CLN8: variants seen among roughly 807,000 people sequenced by gnomAD.
The protein encoded by CLN8 is protein CLN8.
In CLN8, 14 loss-of-function variants were observed where a neutral mutation model predicts 15.7. The observed-to-expected ratio is 0.89, with a 90% CI of 0.59 to 1.39. CLN8 has a LOEUF of 1.39. Ranked by LOEUF, CLN8 falls within the 40% of genes most tolerant of loss-of-function variation. The probability of loss-of-function intolerance (pLI) is 0.00; values close to 1 mark genes in which losing one functional copy is unlikely to be tolerated. For synonymous variants in CLN8, 188 were observed against 151.0 expected, an observed-to-expected ratio of 1.25 and a Z score of -1.80; for missense variants, 415 against 364.0, an observed-to-expected ratio of 1.14 and a Z score of -1.14.
In CLN8 at chr8:1,771,072, T is replaced by C. The variant is rs1464108080; in HGVS notation, c.18T>C (p.Asp6=). 4 of 1,613,858 alleles carry C rather than the reference T, an allele frequency of 2.5e-6. No homozygotes were observed. Among genetic ancestry groups the C allele is most frequent in the East Asian group, 2.2e-5 (1 of 44,836 alleles). Residue 6 remains aspartate, a synonymous_variant, in exon 2 of 3, where the codon GAT becomes GAC. Transcript: ENST00000331222. The part of the protein sequence containing the change: MNPAS[D]GGTSESIFDL... ...TGTGGACAATGAATCCTGCGAGCGA[T>C]GGGGGCACATCAGAGAGCATTTTTG...
At chr8:1,761,704 T>C (rs1157447843), upstream of CLN8, among the ~76,000 whole-genome samples, 1 of 152,180 alleles carries the variant, frequency 6.6e-6, no homozygotes, top group Non-Finnish European at 1.5e-5. Flanking sequence ...AGATCAGAGA[T>C]GAAATCGTAT....
intron 2 of CLN8, among the ~76,000 whole-genome samples, chr8:1,778,159 A>C (rs1563112816): frequency 6.6e-6 from 1 of 152,128 alleles, no homozygotes; most frequent in African/African-American, 2.4e-5. Flanking sequence ...CAGTTGTCAG[A>C]GTGACTATAC....
chr8:1,782,667 GC>G lies in CLN8; in HGVS notation c.*2101del, dbSNP rs1314521292. On this transcript the variant is annotated 3_prime_UTR_variant, in exon 3 of 3. Coordinates refer to ENST00000331222, the MANE Select transcript of CLN8 (RefSeq NM_018941.4). ...GCTGGTGTTTTTCAGCCAGACAGAG[GC>G]ATAATAAAGTGACTGATGTTTACAG... The G allele has an allele frequency of 1.3e-5, 2 of 152,208 alleles. No individual in the cohort carries two copies. Among genetic ancestry groups the G allele is most frequent in the Non-Finnish European group, 2.9e-5 (2 of 68,044 alleles). 9.4% of individuals were successfully genotyped at this position (152,208 alleles called of 1,614,324 possible).
At chr8:1,767,866 C>T (rs1016823862) in intron 1 of CLN8, among the ~76,000 whole-genome samples, 8 of 151,996 alleles carry the variant, frequency 5.3e-5, no homozygotes, top group South Asian at 2.1e-4. Context: ...CCACTGCACT[C>T]GGCCTGCTCT....
intron 1 of CLN8, among the ~76,000 whole-genome samples, chr8:1,768,502 C>T (rs541010277): frequency 5.3e-5 from 8 of 152,268 alleles, no homozygotes; most frequent in South Asian, 4.2e-4. Flanking sequence ...CTTGGCCAAG[C>T]GGACATTGAT....
chr8:1,783,615 CGGG>C lies in CLN8; in HGVS notation c.*3051_*3053del, dbSNP rs1801760187. The C allele has an allele frequency of 6.6e-6, 1 of 150,464 alleles. No homozygotes were observed. The allele number at this position is 150,464 out of a possible 1,614,324, so 9.3% of individuals were successfully genotyped here. On this transcript the variant is annotated 3_prime_UTR_variant, in exon 3 of 3. Transcript: ENST00000331222. ...TTGGTGCAGCCTCCTCGCCGCGCTG[CGGG>C]GGCTGGGCCGCACAGGCTTCTGCCC...
rs1183707569 is a variant in CLN8 at position 1,782,996 on chromosome 8, C to A, written c.*2429C>A. The A allele has an allele frequency of 6.6e-6, 1 of 152,282 alleles. No individual in the cohort carries two copies. Among genetic ancestry groups the A allele is most frequent in the Non-Finnish European group, 1.5e-5 (1 of 68,092 alleles). 9.4% of individuals were successfully genotyped at this position (152,282 alleles called of 1,614,324 possible). On this transcript the variant is annotated 3_prime_UTR_variant, in exon 3 of 3. Transcript: ENST00000331222. ...TGTCACCCACACATTGGTCCGGGGA[C>A]CCCTCAGTGCAGAGCCTGAAGTTGG...
intron 1 of CLN8, chr8:1,758,529 G>A (rs1585118073): frequency 6.6e-6 from 1 of 152,206 alleles, no homozygotes; most frequent in Non-Finnish European, 1.5e-5. Context: ...CCACCTCCAT[G>A]ACGTCATTTC....
chr8:1,757,387 G>A (rs1369213722), intron 1 of CLN8, among the ~76,000 whole-genome samples: 1 of 152,208 alleles, frequency 6.6e-6, no homozygotes, highest in Non-Finnish European at 1.5e-5. Flanking sequence ...TGGCCCCACA[G>A]TAGCTATCTT....
rs557867430 is a variant in CLN8 at position 1,785,759 on chromosome 8, C to T, written c.*5192C>T. ...ACCGGTCAGATTACGGTGGCACAGG[C>T]GGCGTGGGGTTAGACAGGTACTGGT... On this transcript the variant is annotated 3_prime_UTR_variant, in exon 3 of 3. Transcript: ENST00000331222. 4 of 171,614 alleles carry T rather than the reference C, an allele frequency of 2.3e-5. No individual in the cohort carries two copies. The highest frequency in any genetic ancestry group is 1.0e-4 in the South Asian group (1 of 9,606). The allele number at this position is 171,614 out of a possible 1,614,324, so 10.6% of individuals were successfully genotyped here.
chr8:1,773,542 T>C (rs1186717958), intron 2 of CLN8: 1 of 152,220 alleles, frequency 6.6e-6, no homozygotes, highest in African/African-American at 2.4e-5. Flanking sequence ...GGTCTAAGTG[T>C]GGGTCATTTT....
Position 1,780,312 on chromosome 8 carries a change from C to G in CLN8, c.606C>G (p.His202Gln), listed in dbSNP as rs1490718679. 6.2e-7 allele frequency: 1 copy of G among 1,614,156 alleles called. No individual in the cohort carries two copies. Among genetic ancestry groups the G allele is most frequent in the Admixed American group, 1.7e-5 (1 of 60,014 alleles). Residue 202 changes from histidine to glutamine, a missense_variant, in exon 3 of 3, where the codon CAC becomes CAG. By Grantham distance (24) the His-to-Gln change is conservative. Transcript: ENST00000331222. ...LNQWLMIHMFHCRMVLTYHMW... is the reference protein window; with the variant it reads ...LNQWLMIHMFQCRMVLTYHMW... ...AGTGGCTGATGATTCACATGTTTCA[C>G]TGCCGCATGGTTCTAACCTACCACA...
chr8:1,776,131 G>T (rs1215472789), intron 2 of CLN8, among the ~76,000 whole-genome samples: 2 of 152,202 alleles, frequency 1.3e-5, no homozygotes, highest in East Asian at 3.9e-4. Flanking sequence ...ATCTGTGAGG[G>T]GCACACATGC....
chr8:1,768,090 C>T (rs773308462), intron 1 of CLN8, among the ~76,000 whole-genome samples: 13 of 151,532 alleles, frequency 8.6e-5, no homozygotes, highest in African/African-American at 1.9e-4. Context: ...ATTACAGGTG[C>T]GCACCACCAC....
chr8:1,778,610 G>C (rs940246870), intron 2 of CLN8, among the ~76,000 whole-genome samples: 1 of 152,322 alleles, frequency 6.6e-6, no homozygotes, highest in African/African-American at 2.4e-5. Context: ...GGGTTGGGGT[G>C]AACTAAGTGC....
In CLN8 at chr8:1,775,965, C is replaced by G. The variant is rs373055046; in HGVS notation, c.544-4285C>G. 1.5e-4 allele frequency among the ~76,000 whole-genome samples: 23 copies of G among 152,270 alleles called. 1 individual carries two copies. The South Asian group carries it at 4.1e-3, about 27-fold the overall frequency. ...ACATATGCATGTGGTGCGGCACACA[C>G]GACAGAAGATTCTGGAAGCTGAATC... On this transcript the variant is annotated intron_variant, in intron 2 of 2. Coordinates refer to ENST00000331222, the MANE Select transcript of CLN8 (RefSeq NM_018941.4).
chr8:1,776,741 G>C (rs1801533624), intron 2 of CLN8, among the ~76,000 whole-genome samples: 1 of 152,244 alleles, frequency 6.6e-6, no homozygotes. Flanking sequence ...GCGGCTCCAT[G>C]CATAGGTCTG....
At chr8:1,772,195 C>T (rs762936808) in intron 2 of CLN8, among the ~76,000 whole-genome samples, 12 of 152,102 alleles carry the variant, frequency 7.9e-5, no homozygotes, top group African/African-American at 2.4e-4. Flanking sequence ...CTGGGCCTCC[C>T]AAAGTGCTGG....
chr8:1,758,094 C>G (rs977173316), intron 1 of CLN8: 8 of 152,026 alleles, frequency 5.3e-5, no homozygotes, highest in Non-Finnish European at 8.8e-5. Context: ...CCCGAGTGTC[C>G]CGCATGCAAG....
Sources: gnomAD v4.1 joint callset for allele counts (sites outside exome capture counted in the v4.1 genomes callset) on GRCh38, gnomAD v4.1.1 for gene constraint, MANE v1.5 for transcripts, NCBI Gene and HGNC (gene_info 2026-07-23, HGNC 2026-07-21) for gene names.